The following ABCC2 variants were observed in gnomAD, a reference collection of about 807,000 sequenced individuals.
ABCC2 encodes the protein ATP binding cassette subfamily C member 2.
In ABCC2, 157 loss-of-function variants were observed where a neutral mutation model predicts 173.4. The ratio of observed to expected loss-of-function variants is 0.91; its 90% CI spans 0.80 to 1.03. The LOEUF is 1.03. Among genes scored for constraint, ABCC2 ranks in the 50% least tolerant of loss-of-function variants. The pLI is 0.00. For synonymous variants in ABCC2, 657 were observed against 693.5 expected, an observed-to-expected ratio of 0.95 and a Z score of 0.83; for missense variants, 1,822 against 1,852.3, an observed-to-expected ratio of 0.98 and a Z score of 0.30.
At chr10:99,844,055 C>T (rs2038981876) in intron 27 of ABCC2, among the ~76,000 whole-genome samples, 155 bp downstream of exon 27, 1 of 152,156 alleles carries the variant, frequency 6.6e-6, no homozygotes, top group Admixed American at 6.5e-5. Flanking sequence ...TTTCTTCAAA[C>T]TTAGAATAGG....
Position 99,830,854 on chromosome 10 carries a change from G to T in ABCC2, c.2883+3G>T. On this transcript the variant is annotated splice_donor_region_variant and intron_variant, in intron 21 of 31. Transcript: ENST00000647814. ...AGGAATTCATAGAAACTGGAAAGGT[G>T]AACACCACACAGAAAAGTAGCATTT... The T allele has an allele frequency of 6.2e-7, 1 of 1,613,718 alleles. No individual in the cohort carries two copies. Among genetic ancestry groups the T allele is most frequent in the South Asian group, 1.1e-5 (1 of 91,026 alleles).
intron 16 of ABCC2, 49 bp downstream of exon 16, chr10:99,813,193 G>T: frequency 1.2e-6 from 2 of 1,602,550 alleles, no homozygotes; most frequent in Non-Finnish European, 1.7e-6. Context: ...AATGTCAGCA[G>T]CTTCGTGCTT....
intron 28 of ABCC2, among the ~76,000 whole-genome samples, chr10:99,845,336 A>T (rs1475747088): frequency 4.6e-5 from 7 of 152,168 alleles, no homozygotes; most frequent in Non-Finnish European, 1.5e-5. Flanking sequence ...CCTGGCCTAA[A>T]CAAGGATTTT....
intron 27 of ABCC2, 92 bp from the exon 28 acceptor site, chr10:99,844,230 C>T (rs2038984165): frequency 9.9e-6 from 15 of 1,511,150 alleles, no homozygotes; most frequent in Non-Finnish European, 1.4e-5. Context: ...ACACTGCTAC[C>T]CTTCTCCTGT....
intron 16 of ABCC2, among the ~76,000 whole-genome samples, chr10:99,814,568 C>CACACATATGTGTATATACACATAT: frequency 2.4e-5 from 1 of 41,414 alleles, no homozygotes; most frequent in South Asian, 9.2e-4. Flanking sequence ...TACACATATA[C>CACACATATGTGTATATACACATAT]ACACACATAT....
At chr10:99,801,790 C>T (rs1483892850) in intron 9 of ABCC2, among the ~76,000 whole-genome samples, 1 of 150,374 alleles carries the variant, frequency 6.7e-6, no homozygotes, top group Non-Finnish European at 1.5e-5. Context: ...TTCTCTATTA[C>T]AGTTCCTACT....
chr10:99,846,281 G>A (rs2039016420), intron 29 of ABCC2, among the ~76,000 whole-genome samples: 1 of 152,200 alleles, frequency 6.6e-6, no homozygotes, highest in South Asian at 2.1e-4. Flanking sequence ...AGGCCTCTCC[G>A]TTCCCCGCAG....
At position 99,814,795 on chromosome 10, in the gene ABCC2, A is replaced by ATGTG. The variant is rs147016911; in HGVS notation, c.2094+1652_2094+1653insGTGT. ...TGTGTGTATGTATATACACACACAC[A>ATGTG]TATGTGTGTGTGTATATATATATTT... On this transcript the variant is annotated intron_variant, in intron 16 of 31. Coordinates refer to ENST00000647814, the MANE Select transcript of ABCC2 (RefSeq NM_000392.5). Among the ~76,000 whole-genome samples the ATGTG allele has an allele frequency of 1.5e-4, 20 of 135,580 alleles. 1 individual carries two copies. Among genetic ancestry groups the ATGTG allele is most frequent in the South Asian group, 2.3e-4 (1 of 4,270 alleles). The allele number at this position is 135,580 out of a possible 152,430, so 88.9% of individuals were successfully genotyped here.
rs1476799418 is a variant in ABCC2 at position 99,814,137 on chromosome 10, A to G, written c.2094+993A>G. Among the ~76,000 whole-genome samples the G allele has an allele frequency of 5.6e-4, 47 of 83,206 alleles. 10 individuals carry two copies. Among genetic ancestry groups the G allele is most frequent in the African/African-American group, 1.8e-3 (37 of 20,140 alleles). The allele number at this position is 83,206 out of a possible 152,430, so 54.6% of individuals were successfully genotyped here. A position where few individuals can be genotyped will look rare whatever the true frequency, so the allele number is the denominator to read the frequency against. On this transcript the variant is annotated intron_variant, in intron 16 of 31. Transcript: ENST00000647814. Reference sequence around the variant, plus strand: ...TGTATATACACACATATGTGTGTATATATACACACATGTATGTATACACAC... The same window carrying G: ...TGTATATACACACATATGTGTGTATGTATACACACATGTATGTATACACAC...
chr10:99,806,077 C>CTCTGTCTGTG (rs10644836), intron 11 of ABCC2, among the ~76,000 whole-genome samples: 2 of 148,044 alleles, frequency 1.4e-5, no homozygotes, highest in Non-Finnish European at 3.0e-5. Context: ...CTCTCTCTGT[C>CTCTGTCTGTG]TGTGTGTGTG....
At chr10:99,841,373 T>C (rs1564699712) in intron 25 of ABCC2, among the ~76,000 whole-genome samples, 1 of 152,050 alleles carries the variant, frequency 6.6e-6, no homozygotes, top group Non-Finnish European at 1.5e-5. Flanking sequence ...GGCAACATGA[T>C]GAAATCCTGG....
intron 26 of ABCC2, 134 bp downstream of exon 26, chr10:99,842,227 C>T: frequency 7.9e-7 from 1 of 1,268,648 alleles, no homozygotes; most frequent in Non-Finnish European, 1.1e-6. Flanking sequence ...GGTTCAAACC[C>T]TGGCTCCATC....
Position 99,814,335 on chromosome 10 carries a change from ATG to A in ABCC2, c.2094+1193_2094+1194del, listed in dbSNP as rs200086370. The stretch of plus-strand genomic sequence containing the variant: ...TATATACACACGTATGTATACACAC[ATG>A]TATATATACACACGTATGTATACAC... On this transcript the variant is annotated intron_variant, in intron 16 of 31. Coordinates refer to ENST00000647814, the MANE Select transcript of ABCC2 (RefSeq NM_000392.5). Among the ~76,000 whole-genome samples, 815 of 138,300 alleles carry A rather than the reference ATG, an allele frequency of 5.9e-3. 137 individuals are homozygous for A. Among genetic ancestry groups the A allele is most frequent in the African/African-American group, 0.022 (749 of 34,578 alleles). 90.7% of individuals were successfully genotyped at this position (138,300 alleles called of 152,430 possible).
chr10:99,814,177 A>ACGTATGTATACACACATG lies in ABCC2; in HGVS notation c.2094+1033_2094+1034insCGTATGTATACACACATG, dbSNP rs1564683398. Among the ~76,000 whole-genome samples, 4 of 99,758 alleles carry ACGTATGTATACACACATG rather than the reference A, an allele frequency of 4.0e-5. 1 individual carries two copies. Among genetic ancestry groups the ACGTATGTATACACACATG allele is most frequent in the Non-Finnish European group, 8.4e-5 (4 of 47,340 alleles). 65.4% of individuals were successfully genotyped at this position (99,758 alleles called of 152,430 possible). A position where few individuals can be genotyped will look rare whatever the true frequency, so the allele number is the denominator to read the frequency against. On this transcript the variant is annotated intron_variant, in intron 16 of 31. Transcript: ENST00000647814. ...TGTATACACACGTATATATACACAC[A>ACGTATGTATACACACATG]TGTATGTATACACACATGTGTATAT...
chr10:99,846,679 C>T (rs559076018), intron 29 of ABCC2, among the ~76,000 whole-genome samples: 11 of 152,342 alleles, frequency 7.2e-5, no homozygotes. Context: ...GTCAAGGCTG[C>T]AGTGAGCGGT....
chr10:99,833,272 G>C (rs2038768937), intron 23 of ABCC2, among the ~76,000 whole-genome samples: 1 of 152,146 alleles, frequency 6.6e-6, no homozygotes, highest in Non-Finnish European at 1.5e-5. Context: ...TTTTGGGTGA[G>C]AAATTTCTCA....
chr10:99,845,638 C>T lies in ABCC2; in HGVS notation c.4002C>T (p.Gly1334=), dbSNP rs762912278. ...TATATTCGCAGATTGGTGTGGTGGG[C>T]AGGACAGGAGCTGGAAAGTCATCCC... ...IGSMEKIGVV[G]RTGAGKSSLT... Residue 1334 remains glycine (G), a synonymous_variant, in exon 29 of 32, where the codon GGC becomes GGT. Coordinates refer to ENST00000647814, the MANE Select transcript of ABCC2 (RefSeq NM_000392.5). The T allele has an allele frequency of 1.2e-6, 2 of 1,614,002 alleles. No homozygotes were observed. The highest frequency in any genetic ancestry group is 1.7e-6 in the Non-Finnish European group (2 of 1,179,992).
intron 16 of ABCC2, among the ~76,000 whole-genome samples, chr10:99,814,773 G>GTATA (rs1165590388): frequency 5.5e-5 from 7 of 126,554 alleles, no homozygotes; most frequent in Middle Eastern, 4.3e-3. Flanking sequence ...ATATATGTGT[G>GTATA]TGTATGTATA....
chr10:99,822,712 A>G (rs1426508591), intron 19 of ABCC2, among the ~76,000 whole-genome samples: 1 of 152,088 alleles, frequency 6.6e-6, no homozygotes, highest in Non-Finnish European at 1.5e-5. Context: ...AATTTAAAGT[A>G]TAGAGTGCTA....
Sources: gnomAD v4.1 joint callset for allele counts (sites outside exome capture counted in the v4.1 genomes callset) on GRCh38, gnomAD v4.1.1 for gene constraint, MANE v1.5 for transcripts, NCBI Gene and HGNC (gene_info 2026-07-23, HGNC 2026-07-21) for gene names.